AAK1: variants seen among roughly 807,000 people sequenced by gnomAD.
AAK1 encodes AP2 associated kinase 1.
In AAK1, 37 loss-of-function variants were observed where a neutral mutation model predicts 116.0. The ratio of observed to expected loss-of-function variants is 0.32; its 90% CI spans 0.25 to 0.42. The LOEUF is 0.42. Among genes scored for constraint, AAK1 ranks in the 10% least tolerant of loss-of-function variants. AAK1 has a pLI of 1.00. For missense variants in AAK1, 919 were observed against 1,170.6 expected, an observed-to-expected ratio of 0.79 and a Z score of 3.14; for synonymous variants, 458 against 439.9, an observed-to-expected ratio of 1.04 and a Z score of -0.51.
chr2:69,514,334 G>A lies in AAK1; in HGVS notation c.1776+137C>T, dbSNP rs75995587. The stretch of plus-strand genomic sequence containing the variant: ...ACTATTCTTGGATATATCAAGGAAA[G>A]ATCAAATAATTGAACCACCCAGGTG... On this transcript the variant is annotated intron_variant, in intron 13 of 21. Transcript: ENST00000409085. The A allele has an allele frequency of 2.7e-3, 3,074 of 1,146,266 alleles. 52 individuals carry two copies. The African/African-American group carries it at 0.038, about 14-fold the overall frequency. 71.0% of individuals were successfully genotyped at this position (1,146,266 alleles called of 1,614,324 possible).
rs369111275 is a variant in AAK1, at chr2:69,507,581, A to G, written c.2007-3T>C. The G allele has an allele frequency of 6.2e-7, 1 of 1,602,848 alleles. No individual in the cohort carries two copies. Among genetic ancestry groups the G allele is most frequent in the African/African-American group, 1.3e-5 (1 of 74,818 alleles). ...CTGATGGAGTGGTGGTTGCAGACCT[A>G]GGTAGGTTCCCACCCCCACGAAACA... On this transcript the variant is annotated splice_region_variant and splice_polypyrimidine_tract_variant and intron_variant, in intron 14 of 21. Coordinates refer to ENST00000409085, the MANE Select transcript of AAK1 (RefSeq NM_014911.5).
intron 2 of AAK1, among the ~76,000 whole-genome samples, chr2:69,589,199 G>A (rs1672919096): frequency 1.3e-5 from 2 of 152,192 alleles, no homozygotes; most frequent in South Asian, 2.1e-4. Flanking sequence ...GTGGCACTAC[G>A]TGGAGATAGT....
chr2:69,547,794 T>C (rs377512449), intron 3 of AAK1, among the ~76,000 whole-genome samples: 125 of 152,296 alleles, frequency 8.2e-4, no homozygotes, highest in African/African-American at 3.0e-3. Context: ...CAAATGTTCA[T>C]AGCAACATTA....
At chr2:69,488,191 G>C (rs1475922548) in intron 17 of AAK1, among the ~76,000 whole-genome samples, 1 of 138,902 alleles carries the variant, frequency 7.2e-6, no homozygotes, top group Non-Finnish European at 1.5e-5. Flanking sequence ...TGAGGGAGGG[G>C]AACAAAAGTT....
chr2:69,497,068 T>C (rs931799097), intron 16 of AAK1, among the ~76,000 whole-genome samples: 1 of 152,082 alleles, frequency 6.6e-6, no homozygotes, highest in Non-Finnish European at 1.5e-5. Context: ...TAAAAGAAAA[T>C]GAAGCCTAAA....
intron 17 of AAK1, among the ~76,000 whole-genome samples, chr2:69,484,845 A>G (rs936304020): frequency 6.6e-6 from 1 of 151,778 alleles, no homozygotes; most frequent in Non-Finnish European, 1.5e-5. Flanking sequence ...ATTGCACTCC[A>G]GCCTGGGTGA....
chr2:69,562,400 A>C (rs1671680466), intron 2 of AAK1, among the ~76,000 whole-genome samples: 1 of 152,254 alleles, frequency 6.6e-6, no homozygotes, highest in Non-Finnish European at 1.5e-5. Flanking sequence ...GCATAGGATC[A>C]TGGAGTCACC....
intron 16 of AAK1, among the ~76,000 whole-genome samples, chr2:69,499,663 TAGA>T (rs1365690253): frequency 6.6e-6 from 1 of 152,114 alleles, no homozygotes; most frequent in Non-Finnish European, 1.5e-5. Context: ...TCTTTAAAGG[TAGA>T]AGGAGGAAAA....
At chr2:69,545,596 A>G (rs1268786455) in intron 3 of AAK1, among the ~76,000 whole-genome samples, 2 of 152,230 alleles carry the variant, frequency 1.3e-5, no homozygotes, top group Non-Finnish European at 2.9e-5. Context: ...AACAAATTTC[A>G]TAACAAAACA....
At chr2:69,586,321 G>C (rs1206382044) in intron 2 of AAK1, among the ~76,000 whole-genome samples, 1 of 152,148 alleles carries the variant, frequency 6.6e-6, no homozygotes, top group Non-Finnish European at 1.5e-5. Context: ...ATACCAGGCT[G>C]GTAATGAGGC....
intron 2 of AAK1, among the ~76,000 whole-genome samples, chr2:69,590,267 C>T (rs926492322): frequency 2.0e-5 from 3 of 152,162 alleles, no homozygotes; most frequent in Non-Finnish European, 2.9e-5. Context: ...TGGAACCTGC[C>T]CCTAAACCAC....
rs190276621 is a variant in AAK1 at position 69,473,516 on chromosome 2, A to G, written c.*2353T>C. The G allele has an allele frequency of 1.8e-3, 1,811 of 985,456 alleles. 23 individuals are homozygous for G. The African/African-American group carries it at 0.029, about 16-fold the overall frequency. 61.0% of individuals were successfully genotyped at this position (985,456 alleles called of 1,614,324 possible). On this transcript the variant is annotated 3_prime_UTR_variant, in exon 22 of 22. Transcript: ENST00000409085. ...ACAATTTCTTGTCATTATCTCCCTT[A>G]GGCTTCTACTGCCGTCTCTGGCTTC...
At chr2:69,637,769 T>C (rs927076164) in intron 2 of AAK1, among the ~76,000 whole-genome samples, 2 of 152,152 alleles carry the variant, frequency 1.3e-5, no homozygotes, top group Non-Finnish European at 2.9e-5. Flanking sequence ...TGCAGTAATA[T>C]TTTTTGTGTG....
At chr2:69,634,859 CT>C (rs1325934637) in intron 2 of AAK1, among the ~76,000 whole-genome samples, 2 of 152,034 alleles carry the variant, frequency 1.3e-5, no homozygotes, top group African/African-American at 4.8e-5. Context: ...TATTTTTGGT[CT>C]TTTTTTGAGG....
intron 19 of AAK1, among the ~76,000 whole-genome samples, chr2:69,479,612 T>C (rs960798375): frequency 1.5e-4 from 23 of 152,146 alleles, no homozygotes; most frequent in African/African-American, 5.5e-4. Flanking sequence ...TCTGGCTTAT[T>C]ATTAGCAGAA....
chr2:69,624,920 A>G (rs979696361), intron 2 of AAK1, among the ~76,000 whole-genome samples: 5 of 152,228 alleles, frequency 3.3e-5, no homozygotes, highest in African/African-American at 1.2e-4. Flanking sequence ...GAGGGTTGGA[A>G]GAGTAAGGGA....
At chr2:69,532,247 C>T (rs949715645) in intron 5 of AAK1, 85 bp from the exon 6 acceptor site, 17 of 1,502,374 alleles carry the variant, frequency 1.1e-5, no homozygotes, top group African/African-American at 5.6e-5. Context: ...CATAAATAAA[C>T]GTTTTATTTC....
chr2:69,522,145 C>CGT (rs1669813678), intron 10 of AAK1, among the ~76,000 whole-genome samples: 1 of 152,216 alleles, frequency 6.6e-6, no homozygotes, highest in Non-Finnish European at 1.5e-5. Context: ...CTAGCTACTA[C>CGT]CTAACTCAGA....
Position 69,472,733 on chromosome 2 carries a change from A to T in AAK1, c.*3136T>A, listed in dbSNP as rs1021458578. The T allele has an allele frequency of 2.0e-6, 2 of 985,316 alleles. No homozygotes were observed. The highest frequency in any genetic ancestry group is 2.4e-6 in the Non-Finnish European group (2 of 829,904). The allele number at this position is 985,316 out of a possible 1,614,324, so 61.0% of individuals were successfully genotyped here. ...GCTGGAATAAAAGCAAATCAGAAAC[A>T]TATGCTTATAGTATTTGCCCGTTTT... On this transcript the variant is annotated 3_prime_UTR_variant, in exon 22 of 22. Coordinates refer to ENST00000409085, the MANE Select transcript of AAK1 (RefSeq NM_014911.5).
Sources: allele counts gnomAD v4.1 joint callset (sites outside exome capture counted in the v4.1 genomes callset), GRCh38; gene constraint gnomAD v4.1.1; transcripts MANE v1.5; gene names NCBI Gene and HGNC (gene_info 2026-07-23, HGNC 2026-07-21).